ERG: variants seen among roughly 807,000 people sequenced by gnomAD.
ERG encodes ETS transcription factor ERG.
A neutral mutation model predicts 55.3 loss-of-function variants in ERG; 9 were observed. That is an observed-to-expected ratio of 0.16 (90% CI 0.10 to 0.28). The LOEUF (loss-of-function observed/expected upper bound fraction) is 0.28, where lower values mean the gene tolerates loss of function less well. Among genes scored for constraint, ERG ranks in the 10% least tolerant of loss-of-function variants. ERG has a pLI of 1.00. For missense variants in ERG, 434 were observed against 631.6 expected, an observed-to-expected ratio of 0.69 and a Z score of 3.35; for synonymous variants, 223 against 237.3, an observed-to-expected ratio of 0.94 and a Z score of 0.55.
At chr21:38,420,128 C>G (rs1989471961) in intron 3 of ERG, among the ~76,000 whole-genome samples, 1 of 151,668 alleles carries the variant, frequency 6.6e-6, no homozygotes, top group African/African-American at 2.4e-5. Context: ...AGGACCAGGT[C>G]TGGAGAATTC....
At chr21:38,583,883 T>A (rs2060045731) in intron 1 of ERG, among the ~76,000 whole-genome samples, 1 of 152,178 alleles carries the variant, frequency 6.6e-6, no homozygotes, top group African/African-American at 2.4e-5. Flanking sequence ...ACATCCAGCC[T>A]CCGGAACGGT....
intron 1 of ERG, among the ~76,000 whole-genome samples, chr21:38,469,134 AG>A (rs1402590977): frequency 6.6e-6 from 1 of 151,952 alleles, no homozygotes; most frequent in Non-Finnish European, 1.5e-5. Context: ...ACATTATAGA[AG>A]GGCTTCTAAG....
Position 38,660,868 on chromosome 21 carries a change from C to T in ERG, c.-150+790G>A, listed in dbSNP as rs563917288. Among the ~76,000 whole-genome samples, 4 of 151,968 alleles carry T rather than the reference C, an allele frequency of 2.6e-5. No individual in the cohort carries two copies. The South Asian group carries it at 8.3e-4, about 32-fold the overall frequency. On this transcript the variant is annotated intron_variant, in intron 1 of 10. Coordinates refer to the ERG transcript ENST00000398910. The stretch of plus-strand genomic sequence containing the variant: ...CTTCGAGTGCGCGCGTGTCCGTGTG[C>T]GCGTGGGTGTGGGTGTGCTCGCGTG...
intron 2 of ERG, among the ~76,000 whole-genome samples, chr21:38,528,586 T>A (rs1356514846): frequency 1.1e-5 from 1 of 91,180 alleles, no homozygotes; most frequent in East Asian, 2.2e-4. Context: ...TAGCTGGGAC[T>A]ACAGGCACCC....
chr21:38,391,612 A>G (rs1987975698), intron 8 of ERG, 47 bp downstream of exon 8: 2 of 1,447,700 alleles, frequency 1.4e-6, no homozygotes, highest in Admixed American at 2.0e-5. Flanking sequence ...TGTGCTGCTG[A>G]GCCTGAATCT....
At chr21:38,501,541 G>T (rs1420739572), upstream of ERG, among the ~76,000 whole-genome samples, 1 of 152,074 alleles carries the variant, frequency 6.6e-6, no homozygotes, top group Admixed American at 6.6e-5. Flanking sequence ...GAACCAGGCT[G>T]CCTTTCCCAC....
intron 3 of ERG, among the ~76,000 whole-genome samples, chr21:38,414,711 G>A (rs1420663105): frequency 6.6e-6 from 1 of 152,110 alleles, no homozygotes; most frequent in East Asian, 1.9e-4. Flanking sequence ...TGTGACTCCC[G>A]ATCAAGGACT....
chr21:38,386,143 A>T (rs1987681211), intron 9 of ERG, among the ~76,000 whole-genome samples: 3 of 152,204 alleles, frequency 2.0e-5, no homozygotes, highest in African/African-American at 7.2e-5. Flanking sequence ...AGGGGACCTA[A>T]ATTTGTGGCA....
chr21:38,571,992 T>G (rs986243180), intron 2 of ERG, among the ~76,000 whole-genome samples: 1 of 152,080 alleles, frequency 6.6e-6, no homozygotes, highest in Non-Finnish European at 1.5e-5. Context: ...TTAGTAGCAA[T>G]GAACCAAAAA....
At chr21:38,496,879 A>C (rs1315290700) in intron 1 of ERG, among the ~76,000 whole-genome samples, 2 of 152,224 alleles carry the variant, frequency 1.3e-5, no homozygotes, top group African/African-American at 4.8e-5. Context: ...ATAAGATCGT[A>C]CCCAAGCTAT....
intron 1 of ERG, among the ~76,000 whole-genome samples, chr21:38,456,969 T>A (rs144599875): frequency 6.6e-6 from 1 of 152,276 alleles, no homozygotes; most frequent in African/African-American, 2.4e-5. Context: ...CACTAACAAG[T>A]TGGTTGCCAG....
intron 1 of ERG, among the ~76,000 whole-genome samples, chr21:38,615,696 G>A (rs933468751): frequency 2.0e-5 from 3 of 151,132 alleles, no homozygotes; most frequent in Admixed American, 6.6e-5. Flanking sequence ...ATTATTTAGA[G>A]TGTCTGGCAG....
chr21:38,493,016 A>G (rs1408754659), intron 1 of ERG, among the ~76,000 whole-genome samples: 1 of 152,218 alleles, frequency 6.6e-6, no homozygotes, highest in Non-Finnish European at 1.5e-5. Context: ...AACTGGTCTC[A>G]TATGTGGCTA....
intron 6 of ERG, among the ~76,000 whole-genome samples, chr21:38,399,333 G>A (rs1294723764): frequency 2.0e-5 from 3 of 152,220 alleles, no homozygotes; most frequent in Non-Finnish European, 4.4e-5. Flanking sequence ...AGCCTGAGAA[G>A]CTTCCTCATT....
At chr21:38,505,014 G>C (rs779054932) in intron 2 of ERG, among the ~76,000 whole-genome samples, 2 of 152,162 alleles carry the variant, frequency 1.3e-5, no homozygotes, top group Non-Finnish European at 2.9e-5. Context: ...GTAGAAGCCT[G>C]CATTAATAAT....
intron 2 of ERG, chr21:38,575,616 G>T: frequency 7.0e-7 from 1 of 1,419,364 alleles, no homozygotes. Context: ...GAAAACCTAG[G>T]CACAGAGGAA....
chr21:38,456,877 C>T (rs2058994718), intron 1 of ERG, among the ~76,000 whole-genome samples: 1 of 152,218 alleles, frequency 6.6e-6, no homozygotes, highest in Non-Finnish European at 1.5e-5. Context: ...GAGCCCTTTG[C>T]TAATGTTATA....
At chr21:38,417,745 C>T (rs1041203027) in intron 3 of ERG, among the ~76,000 whole-genome samples, 15 of 151,936 alleles carry the variant, frequency 9.9e-5, no homozygotes, top group African/African-American at 3.1e-4. Flanking sequence ...GCCGTGACCG[C>T]GCCATTGCAC....
chr21:38,517,362 T>C (rs932492058), intron 2 of ERG, among the ~76,000 whole-genome samples: 2 of 151,956 alleles, frequency 1.3e-5, no homozygotes, highest in Admixed American at 6.6e-5. Flanking sequence ...AAAAAAATAC[T>C]CAATATCACT....
Sources: gnomAD v4.1 joint callset for allele counts (sites outside exome capture counted in the v4.1 genomes callset) on GRCh38, gnomAD v4.1.1 for gene constraint, MANE v1.5 for transcripts, NCBI Gene and HGNC (gene_info 2026-07-23, HGNC 2026-07-21) for gene names.